The following CTNNA3 variants were observed in gnomAD, a reference collection of about 807,000 sequenced individuals.
The protein encoded by CTNNA3 is catenin alpha 3, also known as catenin alpha-3.
A neutral mutation model predicts 95.7 loss-of-function variants in CTNNA3; 76 were observed. That is an observed-to-expected ratio of 0.79 (90% CI 0.66 to 0.96). The LOEUF is 0.96. Ranked by LOEUF, CTNNA3 falls within the 40% of genes least tolerant of loss-of-function variation. The probability of loss-of-function intolerance (pLI) is 0.00; values close to 1 mark genes in which losing one functional copy is unlikely to be tolerated. For synonymous variants in CTNNA3, 431 were observed against 374.4 expected, an observed-to-expected ratio of 1.15 and a Z score of -1.74; for missense variants, 1,191 against 1,089.8, an observed-to-expected ratio of 1.09 and a Z score of -1.31.
chr10:67,663,796 C>G (rs995396118), intron 1 of CTNNA3, among the ~76,000 whole-genome samples: 2 of 152,158 alleles, frequency 1.3e-5, no homozygotes, highest in Non-Finnish European at 1.5e-5. Context: ...AACTACTACC[C>G]TCTTGTCTTT....
chr10:67,514,389 C>T (rs560249553), intron 5 of CTNNA3, among the ~76,000 whole-genome samples: 3 of 152,262 alleles, frequency 2.0e-5, no homozygotes, highest in African/African-American at 7.2e-5. Context: ...ATAGCATAGC[C>T]TCTGTAATTT....
chr10:66,712,558 T>C (rs1049416942), intron 9 of CTNNA3, among the ~76,000 whole-genome samples: 5 of 151,754 alleles, frequency 3.3e-5, no homozygotes, highest in African/African-American at 4.8e-5. Flanking sequence ...AAATGTCAAA[T>C]CAGTCTCTCT....
intron 9 of CTNNA3, among the ~76,000 whole-genome samples, chr10:66,638,147 C>T (rs1016459082): frequency 3.3e-5 from 5 of 152,194 alleles, no homozygotes; most frequent in African/African-American, 1.2e-4. Context: ...TCTAGGCGTT[C>T]TCTGCAAGGG....
chr10:66,172,109 T>C (rs753091063), intron 13 of CTNNA3, among the ~76,000 whole-genome samples: 2 of 152,026 alleles, frequency 1.3e-5, no homozygotes, highest in Non-Finnish European at 2.9e-5. Flanking sequence ...ATTACATGTA[T>C]CCCTTATGAG....
intron 1 of CTNNA3, among the ~76,000 whole-genome samples, chr10:67,721,268 A>G (rs1055591280): frequency 6.6e-6 from 1 of 151,798 alleles, no homozygotes; most frequent in Non-Finnish European, 1.5e-5. Flanking sequence ...GCTTGGTTCC[A>G]TTCTCTCCAT....
intron 13 of CTNNA3, among the ~76,000 whole-genome samples, chr10:66,167,962 C>T (rs1210142939): frequency 1.3e-5 from 2 of 152,138 alleles, no homozygotes; most frequent in Non-Finnish European, 2.9e-5. Context: ...GACATAGCCT[C>T]AGCATAGATG....
intron 5 of CTNNA3, among the ~76,000 whole-genome samples, chr10:67,234,506 C>T (rs184245237): frequency 1.7e-4 from 26 of 152,256 alleles, no homozygotes; most frequent in Admixed American, 6.5e-4. Flanking sequence ...ATTGATGGGG[C>T]GTATTTCAAA....
chr10:66,664,706 TGTTGCTA>T (rs1846380770), intron 9 of CTNNA3, among the ~76,000 whole-genome samples: 2 of 106,660 alleles, frequency 1.9e-5, no homozygotes, highest in African/African-American at 8.2e-5. Context: ...CAGAAGCTGA[TGTTGCTA>T]GGAAGAAAAA....
chr10:67,353,005 A>C (rs1335410824), intron 5 of CTNNA3, among the ~76,000 whole-genome samples: 1 of 152,000 alleles, frequency 6.6e-6, no homozygotes, highest in African/African-American at 2.4e-5. Context: ...GGAAAACCTA[A>C]GTGTCACATC....
chr10:67,238,050 A>G (rs1865572090), intron 5 of CTNNA3, among the ~76,000 whole-genome samples: 1 of 152,198 alleles, frequency 6.6e-6, no homozygotes, highest in African/African-American at 2.4e-5. Flanking sequence ...TGTTTCAGCA[A>G]TCGTGGAAGT....
chr10:66,106,571 C>T (rs1182423981), intron 13 of CTNNA3, among the ~76,000 whole-genome samples: 2 of 151,860 alleles, frequency 1.3e-5, no homozygotes, highest in East Asian at 3.9e-4. Context: ...ATACCTAATC[C>T]CAAAAGTTGT....
chr10:67,154,298 T>A (rs1207356683), intron 7 of CTNNA3, among the ~76,000 whole-genome samples: 1 of 152,188 alleles, frequency 6.6e-6, no homozygotes, highest in Non-Finnish European at 1.5e-5. Context: ...TGGGCTTTTT[T>A]TTAAGTCATA....
chr10:67,759,605 T>C (rs549388739), intron 1 of CTNNA3, among the ~76,000 whole-genome samples: 1 of 152,312 alleles, frequency 6.6e-6, no homozygotes, highest in African/African-American at 2.4e-5. Flanking sequence ...GCTGTTACAC[T>C]CCCTAAATAA....
chr10:66,556,772 A>G (rs1842404024), intron 10 of CTNNA3, among the ~76,000 whole-genome samples: 1 of 152,076 alleles, frequency 6.6e-6, no homozygotes, highest in African/African-American at 2.4e-5. Context: ...TTGCAGTTAT[A>G]TAAGATGAAT....
intron 11 of CTNNA3, among the ~76,000 whole-genome samples, chr10:66,508,210 G>GTTTTTTTTTTTTTTTTTTTTTTTTTTTT (rs756807793): frequency 2.4e-4 from 26 of 108,378 alleles, no homozygotes; most frequent in African/African-American, 5.7e-4. Flanking sequence ...TTTGTTTTCT[G>GTTTTTTTTTTTTTTTTTTTTTTTTTTTT]TTTTTTTTTT....
chr10:67,112,600 G>A (rs1031954279), intron 7 of CTNNA3, among the ~76,000 whole-genome samples: 9 of 148,586 alleles, frequency 6.1e-5, no homozygotes, highest in Non-Finnish European at 1.2e-4. Context: ...GTCAAGGCAA[G>A]AAGACTTCAT....
intron 7 of CTNNA3, among the ~76,000 whole-genome samples, chr10:66,863,143 T>C (rs1844009813): frequency 1.3e-5 from 2 of 151,774 alleles, no homozygotes; most frequent in African/African-American, 2.4e-5. Flanking sequence ...CTGCAGTTCT[T>C]GTAAATTAGC....
At chr10:66,594,510 C>T (rs767606770) in intron 10 of CTNNA3, among the ~76,000 whole-genome samples, 1 of 152,114 alleles carries the variant, frequency 6.6e-6, no homozygotes, top group Non-Finnish European at 1.5e-5. Flanking sequence ...ATTCCCTACT[C>T]AAGTCTGCAT....
rs1053328560 is a variant in CTNNA3 at position 66,808,309 on chromosome 10, G to A, written c.1048-32785C>T. ...CCAGAGCATACCATTTAGCAAGTAT[G>A]TCTTGTAAATTTAATTGGACAATTT... On this transcript the variant is annotated intron_variant, in intron 7 of 17. Transcript: ENST00000433211. Among the ~76,000 whole-genome samples the A allele has an allele frequency of 1.1e-4, 17 of 152,258 alleles. No individual in the cohort carries two copies. In the East Asian group the frequency reaches 3.1e-3, roughly 28 times the overall value.
Sources: gnomAD v4.1 joint callset for allele counts (sites outside exome capture counted in the v4.1 genomes callset) on GRCh38, gnomAD v4.1.1 for gene constraint, MANE v1.5 for transcripts, NCBI Gene and HGNC (gene_info 2026-07-23, HGNC 2026-07-21) for gene names.